The following SGMS1 variants were observed in gnomAD, a reference collection of about 807,000 sequenced individuals.
SGMS1 encodes the protein sphingomyelin synthase 1, also known as phosphatidylcholine:ceramide cholinephosphotransferase 1.
SGMS1 carries 13 observed loss-of-function variants against 46.2 expected under a neutral mutation model. The ratio of observed to expected loss-of-function variants is 0.28; its 90% CI spans 0.18 to 0.45. The LOEUF (loss-of-function observed/expected upper bound fraction) is 0.45, where lower values mean the gene tolerates loss of function less well. Ranked by LOEUF, SGMS1 falls within the 20% of genes least tolerant of loss-of-function variation. The pLI, the probability that SGMS1 is intolerant of heterozygous loss-of-function variation, is 1.00. For missense variants in SGMS1, 324 were observed against 519.9 expected, an observed-to-expected ratio of 0.62 and a Z score of 3.66; for synonymous variants, 203 against 187.8, an observed-to-expected ratio of 1.08 and a Z score of -0.66.
chr10:50,511,072 C>A (rs1346304724), intron 3 of SGMS1, among the ~76,000 whole-genome samples: 3 of 152,144 alleles, frequency 2.0e-5, no homozygotes, highest in Admixed American at 6.6e-5. Context: ...CTGGTATGTA[C>A]AAACCACAAT....
intron 2 of SGMS1, among the ~76,000 whole-genome samples, chr10:50,572,795 A>G (rs1312999919): frequency 6.6e-6 from 1 of 152,210 alleles, no homozygotes; most frequent in Non-Finnish European, 1.5e-5. Flanking sequence ...ATAGTAATGA[A>G]ATAAATTATA....
intron 7 of SGMS1, chr10:50,328,072 T>C (rs1254899631): frequency 1.5e-5 from 6 of 390,976 alleles, no homozygotes; most frequent in Non-Finnish European, 2.4e-5. Context: ...AGTTTTATTA[T>C]TATTAGGTTC....
intron 6 of SGMS1, among the ~76,000 whole-genome samples, chr10:50,365,474 G>C (rs1268905002): frequency 6.6e-6 from 1 of 151,966 alleles, no homozygotes; most frequent in African/African-American, 2.4e-5. Context: ...ATGCAGGTTT[G>C]TTACGTAAGT....
chr10:50,482,981 G>A (rs1837490085), intron 3 of SGMS1, among the ~76,000 whole-genome samples: 1 of 152,314 alleles, frequency 6.6e-6, no homozygotes, highest in Admixed American at 6.5e-5. Flanking sequence ...TAATGGTAAA[G>A]GGTTCAATTC....
At chr10:50,617,872 C>A (rs1838812281) in intron 1 of SGMS1, among the ~76,000 whole-genome samples, 1 of 151,086 alleles carries the variant, frequency 6.6e-6, no homozygotes. Flanking sequence ...TGCACCTGGC[C>A]CTGGCTTAAT....
At chr10:50,461,524 C>CT (rs765109596) in intron 4 of SGMS1, among the ~76,000 whole-genome samples, 130 of 152,108 alleles carry the variant, frequency 8.5e-4, no homozygotes, top group African/African-American at 3.0e-3. Context: ...GTAACATTTT[C>CT]TTTTTTTTCC....
intron 3 of SGMS1, among the ~76,000 whole-genome samples, chr10:50,493,447 T>G (rs1588852441): frequency 6.6e-6 from 1 of 152,066 alleles, no homozygotes; most frequent in South Asian, 2.1e-4. Flanking sequence ...CAAAAGCAAT[T>G]ACAACATAAG....
intron 1 of SGMS1, among the ~76,000 whole-genome samples, chr10:50,620,868 A>G (rs1838843142): frequency 6.6e-6 from 1 of 152,216 alleles, no homozygotes; most frequent in Non-Finnish European, 1.5e-5. Flanking sequence ...ATCCAACAGG[A>G]GCACTTTTTA....
chr10:50,416,903 T>C (rs1849177955), intron 6 of SGMS1, among the ~76,000 whole-genome samples: 2 of 149,882 alleles, frequency 1.3e-5, no homozygotes, highest in Non-Finnish European at 3.0e-5. Flanking sequence ...AAAAGCCAGC[T>C]GCAAAGAATT....
intron 6 of SGMS1, among the ~76,000 whole-genome samples, chr10:50,380,111 T>C (rs975238310): frequency 7.9e-5 from 12 of 152,276 alleles, no homozygotes; most frequent in Non-Finnish European, 1.6e-4. Flanking sequence ...CTGGGCACAG[T>C]GGCTCATATC....
At chr10:50,623,556 G>A (rs1838878227) in intron 1 of SGMS1, 151 bp downstream of exon 1, 7 of 979,942 alleles carry the variant, frequency 7.1e-6, no homozygotes, top group Non-Finnish European at 8.5e-6. Flanking sequence ...CGCCAGGTAC[G>A]CGCGCGGCAC....
chr10:50,327,112 C>T (rs1216274953), intron 8 of SGMS1, 93 bp downstream of exon 8: 1 of 732,354 alleles, frequency 1.4e-6, no homozygotes, highest in Non-Finnish European at 2.4e-6. Context: ...CCACTGTATT[C>T]TGAAGAAACG....
chr10:50,418,944 A>G lies in SGMS1; in HGVS notation c.-232+14532T>C, dbSNP rs547885601. 3.3e-5 allele frequency among the ~76,000 whole-genome samples: 5 copies of G among 152,360 alleles called. No homozygotes were observed. The South Asian group carries it at 8.3e-4, about 25-fold the overall frequency. ...TTCAGTTGCAGTCTGAAAATATTAA[A>G]TGGAAAATTCTAGAAATAAGCAATG... On this transcript the variant is annotated intron_variant, in intron 6 of 10. Coordinates refer to ENST00000361781, the MANE Select transcript of SGMS1 (RefSeq NM_147156.4).
intron 2 of SGMS1, among the ~76,000 whole-genome samples, chr10:50,529,445 T>C (rs1414936851): frequency 1.3e-5 from 2 of 152,202 alleles, no homozygotes; most frequent in Non-Finnish European, 2.9e-5. Context: ...CACTCAGCCA[T>C]ACTACAAAAT....
chr10:50,617,247 T>C (rs764374179), intron 1 of SGMS1, among the ~76,000 whole-genome samples: 1 of 152,374 alleles, frequency 6.6e-6, no homozygotes, highest in East Asian at 1.9e-4. Context: ...ATAAATTTTA[T>C]GTTATGTGTA....
intron 6 of SGMS1, among the ~76,000 whole-genome samples, chr10:50,347,946 G>A (rs1847940865): frequency 6.6e-6 from 1 of 152,170 alleles, no homozygotes; most frequent in African/African-American, 2.4e-5. Flanking sequence ...GTGCCATGGT[G>A]GTTTGCTGCA....
intron 5 of SGMS1, among the ~76,000 whole-genome samples, chr10:50,436,915 C>T (rs571510009): frequency 2.6e-5 from 4 of 152,264 alleles, no homozygotes; most frequent in South Asian, 4.2e-4. Flanking sequence ...AAGGTATGTG[C>T]GTTGCTGTCA....
intron 1 of SGMS1, among the ~76,000 whole-genome samples, chr10:50,600,776 C>T (rs187325944): frequency 6.6e-6 from 1 of 152,128 alleles, no homozygotes; most frequent in Non-Finnish European, 1.5e-5. Flanking sequence ...ACTAAGAACA[C>T]GTTAATTTTT....
chr10:50,491,847 C>T (rs1311219511), intron 3 of SGMS1, among the ~76,000 whole-genome samples: 2 of 152,156 alleles, frequency 1.3e-5, no homozygotes, highest in Non-Finnish European at 2.9e-5. Context: ...ATACCAAAAC[C>T]TGGCAGAGAT....
Sources: gnomAD v4.1 joint callset for allele counts (sites outside exome capture counted in the v4.1 genomes callset) on GRCh38, gnomAD v4.1.1 for gene constraint, MANE v1.5 for transcripts, NCBI Gene and HGNC (gene_info 2026-07-23, HGNC 2026-07-21) for gene names.